Variants in POTEE observed in about 807,000 individuals in gnomAD.
POTEE encodes the protein ANKRD26-like family C member 1A.
In POTEE, 21 loss-of-function variants were observed where a neutral mutation model predicts 74.2. The ratio of observed to expected loss-of-function variants is 0.28; its 90% CI spans 0.20 to 0.41. POTEE has a LOEUF of 0.41. POTEE is among the 10% of genes least tolerant of loss of function. POTEE has a pLI of 1.00. For synonymous variants in POTEE, 211 were observed against 432.8 expected, an observed-to-expected ratio of 0.49 and a Z score of 6.36; for missense variants, 525 against 1,158.6, an observed-to-expected ratio of 0.45 and a Z score of 7.94.
intron 2 of POTEE, among the ~76,000 whole-genome samples, chr2:131,212,356 G>A (rs2105057468): frequency 6.6e-6 from 1 of 151,428 alleles, no homozygotes; most frequent in Non-Finnish European, 1.5e-5. Flanking sequence ...AAAAATTGCA[G>A]CCTCTGGCAT....
At chr2:131,233,478 G>A (rs1418994573) in intron 9 of POTEE, among the ~76,000 whole-genome samples, 3 of 152,090 alleles carry the variant, frequency 2.0e-5, no homozygotes, top group African/African-American at 7.3e-5. Flanking sequence ...AGTTTTCGCA[G>A]TAGTCAGTTA....
chr2:131,260,312 T>C (rs1167908435), intron 16 of POTEE, among the ~76,000 whole-genome samples: 2 of 148,954 alleles, frequency 1.3e-5, no homozygotes, highest in Admixed American at 6.7e-5. Flanking sequence ...CTTTTGTGGT[T>C]CTACATGAAT....
At chr2:131,225,660 C>T (rs1216826009) in intron 6 of POTEE, among the ~76,000 whole-genome samples, 1 of 149,068 alleles carries the variant, frequency 6.7e-6, no homozygotes, top group African/African-American at 2.5e-5. Flanking sequence ...TCGACCTCTC[C>T]AAGCTCAGAT....
At chr2:131,211,589 T>G (rs1700361087) in intron 2 of POTEE, among the ~76,000 whole-genome samples, 1 of 137,494 alleles carries the variant, frequency 7.3e-6, no homozygotes, top group South Asian at 2.5e-4. Context: ...GTCTCGCTCT[T>G]TTGCCCAGGC....
At chr2:131,235,319 C>T (rs1330002245) in intron 9 of POTEE, among the ~76,000 whole-genome samples, 2 of 152,114 alleles carry the variant, frequency 1.3e-5, no homozygotes, top group South Asian at 2.1e-4. Flanking sequence ...ATGCTCAAGA[C>T]TGTCCTCTGC....
chr2:131,216,069 A>G (rs1203483902), intron 2 of POTEE, among the ~76,000 whole-genome samples: 2 of 152,102 alleles, frequency 1.3e-5, no homozygotes, highest in Non-Finnish European at 2.9e-5. Context: ...AAAATAAGGT[A>G]ATTCCATTTA....
chr2:131,218,889 G>A lies in POTEE; in HGVS notation c.487G>A (p.Asp163Asn), dbSNP rs764113417. Residue 163 changes from aspartate (D) to asparagine (N), a missense_variant, in exon 4 of 18, where the codon GAC becomes AAC. By Grantham distance (23) the Asp-to-Asn change is conservative (BLOSUM62 1). Transcript: ENST00000683005. ...AAAGGATCTCATCGTCATGCTCAGG[G>A]ACACTGACGTGAACAAGAAGGACAA... ...PRKDLIVMLRDTDVNKKDKQK... is the reference protein window; with the variant it reads ...PRKDLIVMLRNTDVNKKDKQK... 4 of 1,613,160 alleles carry A rather than the reference G, an allele frequency of 2.5e-6. No homozygotes were observed. In the East Asian group the frequency reaches 6.7e-5, roughly 27 times the overall value.
intron 7 of POTEE, among the ~76,000 whole-genome samples, chr2:131,227,949 C>G (rs1383878534): frequency 0.011 from 1,689 of 147,992 alleles, no homozygotes; most frequent in African/African-American, 0.042. Flanking sequence ...TCACTTAAAT[C>G]TTTGTCCACC....
chr2:131,211,475 A>G (rs1029715115), intron 2 of POTEE, among the ~76,000 whole-genome samples: 1 of 124,282 alleles, frequency 8.0e-6, no homozygotes, highest in African/African-American at 3.0e-5. Context: ...TGAGCCAGGC[A>G]TGAGTGGCAG....
intron 9 of POTEE, among the ~76,000 whole-genome samples, chr2:131,233,462 A>G (rs545568750): frequency 2.6e-5 from 4 of 152,244 alleles, no homozygotes; most frequent in South Asian, 2.1e-4. Context: ...ACCAGGAGAC[A>G]AAGGAAGTTT....
At chr2:131,214,050 G>GTTGCCACTCT (rs1285686438) in intron 2 of POTEE, among the ~76,000 whole-genome samples, 1 of 151,380 alleles carries the variant, frequency 6.6e-6, no homozygotes, top group East Asian at 2.0e-4. Flanking sequence ...AGTCTCTCTT[G>GTTGCCACTCT]TTGCCACTCT....
At position 131,218,151 on chromosome 2, in the gene POTEE, C is replaced by G. The variant is rs1390014436; in HGVS notation, c.-93-159C>G. The stretch of plus-strand genomic sequence containing the variant: ...TCTTGGGGGCGGGGGTTGGCCCTTT[C>G]TGGGGTTGGCCCTTTCTGGGGTGGG... On this transcript the variant is annotated intron_variant, in intron 3 of 17. Transcript: ENST00000683005. The G allele has an allele frequency of 8.5e-6, 7 of 823,106 alleles. No homozygotes were observed. In the Admixed American group the frequency reaches 1.6e-4, roughly 19 times the overall value. 51.0% of individuals were successfully genotyped at this position (823,106 alleles called of 1,614,324 possible). A position where few individuals can be genotyped will look rare whatever the true frequency, so the allele number is the denominator to read the frequency against.
chr2:131,237,228 G>C (rs1468513301), intron 10 of POTEE, among the ~76,000 whole-genome samples: 1 of 149,662 alleles, frequency 6.7e-6, no homozygotes, highest in Non-Finnish European at 1.5e-5. Context: ...TTAAGCAATA[G>C]AATTATGAAC....
At chr2:131,237,162 A>G (rs1278136862) in intron 10 of POTEE, among the ~76,000 whole-genome samples, 7 of 151,164 alleles carry the variant, frequency 4.6e-5, no homozygotes, top group Non-Finnish European at 1.0e-4. Flanking sequence ...TTGTTCTTTT[A>G]TTTTTACAAC....
At position 131,237,240 on chromosome 2, in the gene POTEE, A is replaced by G. The variant is rs553099210; in HGVS notation, c.1197+438A>G. Among the ~76,000 whole-genome samples, 69 of 150,484 alleles carry G rather than the reference A, an allele frequency of 4.6e-4. No homozygotes were observed. In the East Asian group the frequency reaches 0.013, roughly 28 times the overall value. ...TTATTAAGCAATAGAATTATGAACAATGTAACTCTGATGGTCCCTGAGCTG... is the reference window on the plus strand; with the variant it reads ...TTATTAAGCAATAGAATTATGAACAGTGTAACTCTGATGGTCCCTGAGCTG... On this transcript the variant is annotated intron_variant, in intron 10 of 17. Coordinates refer to ENST00000683005, the MANE Select transcript of POTEE (RefSeq NM_001083538.3).
In POTEE at chr2:131,263,986, C is replaced by T; in HGVS notation, c.2531C>T (p.Thr844Ile). Residue 844 changes from threonine (T) to isoleucine (I), a missense_variant, in exon 18 of 18, where the codon ACC (threonine) becomes ATC (isoleucine). Transcript: ENST00000683005. Reference sequence around the variant, plus strand: ...ATCCAGGCCGTGCCGTCCCTGTACACCTCTGGCCGTACTACTGGCATCGTG... The same window carrying T: ...ATCCAGGCCGTGCCGTCCCTGTACATCTCTGGCCGTACTACTGGCATCGTG... ...VAIQAVPSLY[T>I]SGRTTGIVMD... 1.2e-6 allele frequency: 2 copies of T among 1,614,226 alleles called. No individual in the cohort carries two copies. The highest frequency in any genetic ancestry group is 1.7e-6 in the Non-Finnish European group (2 of 1,180,052).
intron 2 of POTEE, among the ~76,000 whole-genome samples, chr2:131,213,978 CATTACAGTGGGGACAGTAGTAA>C (rs1425434026): frequency 5.9e-5 from 9 of 151,818 alleles, no homozygotes; most frequent in African/African-American, 1.9e-4. Context: ...GTTTATCCAT[CATTACAGTGGGGACAGTAGTAA>C]GTTTTTCTTT....
intron 9 of POTEE, among the ~76,000 whole-genome samples, chr2:131,233,032 A>G (rs558658362): frequency 2.0e-4 from 31 of 151,778 alleles, no homozygotes; most frequent in Non-Finnish European, 4.1e-4. Flanking sequence ...GAGGAGGGGG[A>G]TTGGGATAAT....
At chr2:131,222,873 A>G (rs536561613) in intron 4 of POTEE, among the ~76,000 whole-genome samples, 1 of 151,804 alleles carries the variant, frequency 6.6e-6, no homozygotes, top group Non-Finnish European at 1.5e-5. Flanking sequence ...TGGTCATCTG[A>G]CTGGAACCGC....
Sources: allele counts gnomAD v4.1 joint callset (sites outside exome capture counted in the v4.1 genomes callset), GRCh38; gene constraint gnomAD v4.1.1; transcripts MANE v1.5; gene names NCBI Gene and HGNC (gene_info 2026-07-23, HGNC 2026-07-21).